The following ADGRD1 variants were observed in gnomAD, a reference collection of about 807,000 sequenced individuals.
ADGRD1 encodes the protein adhesion G protein-coupled receptor D1, also known as G-protein coupled receptor 133.
A neutral mutation model predicts 113.4 loss-of-function variants in ADGRD1; 77 were observed. That is an observed-to-expected ratio of 0.68 (90% CI 0.57 to 0.82). The LOEUF (loss-of-function observed/expected upper bound fraction) is 0.82. ADGRD1 is among the 40% of genes least tolerant of loss of function. ADGRD1 has a pLI of 0.00. For synonymous variants in ADGRD1, 474 were observed against 475.0 expected (o/e 1.00, Z 0.03); for missense variants, 1,036 against 1,139.1 (o/e 0.91, Z 1.30).
intron 13 of ADGRD1, among the ~76,000 whole-genome samples, chr12:131,068,293 G>A (rs1884882904): frequency 6.6e-6 from 1 of 152,196 alleles, no homozygotes; most frequent in East Asian, 1.9e-4. Flanking sequence ...TCTCATGGGT[G>A]GCGCTGGAAT....
At chr12:130,987,634 G>A (rs12826611) in intron 6 of ADGRD1, 48,358 of 467,564 alleles carry the variant, frequency 0.1, 2,889 homozygotes, top group Middle Eastern at 0.16. Flanking sequence ...TGGAGAGCAA[G>A]TATTCCAGAT....
intron 13 of ADGRD1, among the ~76,000 whole-genome samples, chr12:131,020,855 TGGGTTTTGGCCTCCTTG>T (rs1414538301): frequency 6.6e-5 from 10 of 152,220 alleles, no homozygotes; most frequent in Non-Finnish European, 1.3e-4. Context: ...GCCTTCGGGC[TGGGTTTTGGCCTCCTTG>T]GGGTGTCACC....
In ADGRD1 at chr12:131,096,826, C is replaced by G. The variant is rs375852705; in HGVS notation, c.1672-8005C>G. ...CCCTGAGTTCCCAGTCATGTTGAGTCCTGGGTTCTGCTCTGAGATCCACCT... is the reference window on the plus strand; with the variant it reads ...CCCTGAGTTCCCAGTCATGTTGAGTGCTGGGTTCTGCTCTGAGATCCACCT... On this transcript the variant is annotated intron_variant, in intron 15 of 24. Coordinates refer to ENST00000261654, the MANE Select transcript of ADGRD1 (RefSeq NM_198827.5). This position sits in a 1 kb window ranked among gnomAD's most constrained non-coding sequence, Gnocchi z 5.2. Among the ~76,000 whole-genome samples, 36 of 152,324 alleles carry G rather than the reference C, an allele frequency of 2.4e-4. No individual in the cohort carries two copies. The highest frequency in any genetic ancestry group is 8.4e-4 in the African/African-American group (35 of 41,570).
intron 8 of ADGRD1, chr12:130,994,164 C>T (rs550808676): frequency 7.6e-5 from 29 of 381,484 alleles, no homozygotes; most frequent in South Asian, 4.1e-4. Context: ...GGGAAGGACC[C>T]GCGGGGTGTT....
chr12:131,012,810 C>T (rs548275243), intron 12 of ADGRD1, among the ~76,000 whole-genome samples: 1 of 152,212 alleles, frequency 6.6e-6, no homozygotes, highest in African/African-American at 2.4e-5. Flanking sequence ...CCTGCAGGTT[C>T]CTCAGTCAGT....
intron 5 of ADGRD1, among the ~76,000 whole-genome samples, chr12:130,986,249 A>G (rs1873655936): frequency 6.6e-6 from 1 of 152,236 alleles, no homozygotes; most frequent in African/African-American, 2.4e-5. Flanking sequence ...AAGAACTGAC[A>G]TCTTCACAAC....
intron 20 of ADGRD1, among the ~76,000 whole-genome samples, chr12:131,130,984 G>A (rs761352262): frequency 1.3e-5 from 2 of 152,180 alleles, no homozygotes; most frequent in Non-Finnish European, 2.9e-5. Context: ...CTCTGTACAC[G>A]GCCTCAGAAT....
In ADGRD1 at chr12:130,971,719, G is replaced by A; in HGVS notation, c.310+139G>A. On this transcript the variant is annotated intron_variant, in intron 4 of 24. Coordinates refer to ENST00000261654, the MANE Select transcript of ADGRD1 (RefSeq NM_198827.5). This position sits in a 1 kb window ranked among gnomAD's most constrained non-coding sequence, Gnocchi z 4.2. ...TGAGAATGTCAACGATGGATCGGAG[G>A]GCAGGGGAGGGAGGAATACAGGCAA... 1 of 857,876 alleles carries A rather than the reference G, an allele frequency of 1.2e-6. No homozygotes were observed. The highest frequency in any genetic ancestry group is 1.7e-6 in the Non-Finnish European group (1 of 591,362). The allele number at this position is 857,876 out of a possible 1,614,324, so 53.1% of individuals were successfully genotyped here.
chr12:131,021,473 G>C (rs1879310308), intron 13 of ADGRD1, among the ~76,000 whole-genome samples: 1 of 152,202 alleles, frequency 6.6e-6, no homozygotes, highest in African/African-American at 2.4e-5. Flanking sequence ...TCTTTGACAA[G>C]AACGCCAGGG....
chr12:131,074,694 C>T (rs1028229808), intron 13 of ADGRD1, among the ~76,000 whole-genome samples: 5 of 152,178 alleles, frequency 3.3e-5, no homozygotes, highest in Admixed American at 6.5e-5. Flanking sequence ...AGCATTTGTT[C>T]CCAGTCAGTG....
Position 131,057,998 on chromosome 12 carries a change from G to T in ADGRD1, c.1474-18803G>T, listed in dbSNP as rs562427444. Among the ~76,000 whole-genome samples, 1 of 152,266 alleles carries T rather than the reference G, an allele frequency of 6.6e-6. No individual in the cohort carries two copies. Among genetic ancestry groups the T allele is most frequent in the South Asian group, 2.1e-4 (1 of 4,828 alleles). ...ATGAGCTTCTGTTATTTTAACCTTTGTAACTTTATTGGGAAATAAGTATTA... is the reference window on the plus strand; with the variant it reads ...ATGAGCTTCTGTTATTTTAACCTTTTTAACTTTATTGGGAAATAAGTATTA... On this transcript the variant is annotated intron_variant, in intron 13 of 24. Coordinates refer to ENST00000261654, the MANE Select transcript of ADGRD1 (RefSeq NM_198827.5). The surrounding 1 kb of genome is among the most constrained non-coding windows in gnomAD (Gnocchi z 4.2).
chr12:130,972,624 A>G (rs2136541545), intron 4 of ADGRD1, among the ~76,000 whole-genome samples: 1 of 152,166 alleles, frequency 6.6e-6, no homozygotes, highest in East Asian at 1.9e-4. Flanking sequence ...TTTACAAAGT[A>G]AAAAACAACC....
chr12:131,016,585 G>A (rs764678926), intron 13 of ADGRD1, among the ~76,000 whole-genome samples: 5 of 152,240 alleles, frequency 3.3e-5, no homozygotes, highest in African/African-American at 9.6e-5. Context: ...GCCCCGCGGC[G>A]TGTCAAGCCT....
At position 131,084,449 on chromosome 12, in the gene ADGRD1, G is replaced by A; in HGVS notation, c.1548-91G>A. On this transcript the variant is annotated intron_variant, in intron 14 of 24. Coordinates refer to ENST00000261654, the MANE Select transcript of ADGRD1 (RefSeq NM_198827.5). The surrounding 1 kb of genome is among the most constrained non-coding windows in gnomAD (Gnocchi z 4.5). ...GTGTGGGCGCCGCCATGAGTTCACG[G>A]GGCCATGTGTTATGGGGGGTGCTGC... 3 of 1,421,518 alleles carry A rather than the reference G, an allele frequency of 2.1e-6. No homozygotes were observed. The highest frequency in any genetic ancestry group is 1.2e-5 in the South Asian group (1 of 85,424). 88.1% of individuals were successfully genotyped at this position (1,421,518 alleles called of 1,614,324 possible). A position where few individuals can be genotyped will look rare whatever the true frequency, so the allele number is the denominator to read the frequency against.
intron 20 of ADGRD1, among the ~76,000 whole-genome samples, chr12:131,126,438 T>C (rs2136075742): frequency 6.6e-6 from 1 of 152,352 alleles, no homozygotes; most frequent in South Asian, 2.1e-4. Flanking sequence ...TGTGGTATTC[T>C]GTTATAGTAG....
chr12:130,963,269 G>A (rs1380707581), intron 2 of ADGRD1, among the ~76,000 whole-genome samples: 4 of 134,924 alleles, frequency 3.0e-5, no homozygotes, highest in Non-Finnish European at 4.6e-5. Context: ...GCAGTGAGCC[G>A]AGATCGCGCC....
intron 4 of ADGRD1, among the ~76,000 whole-genome samples, chr12:130,979,785 C>A (rs959737642): frequency 6.8e-6 from 1 of 146,972 alleles, no homozygotes; most frequent in Non-Finnish European, 1.5e-5. Context: ...TTCCAGCTGT[C>A]AGGGGCAGAA....
intron 21 of ADGRD1, among the ~76,000 whole-genome samples, chr12:131,134,075 T>C (rs550820376): frequency 6.6e-6 from 1 of 152,280 alleles, no homozygotes; most frequent in East Asian, 1.9e-4. Flanking sequence ...TGTTTATTGA[T>C]TGTGATTCCA....
intron 13 of ADGRD1, among the ~76,000 whole-genome samples, chr12:131,017,639 C>T (rs1430752811): frequency 6.6e-6 from 1 of 151,612 alleles, no homozygotes; most frequent in Non-Finnish European, 1.5e-5. Flanking sequence ...TGCACACACA[C>T]CCAGCACAGA....
Sources: gnomAD v4.1 joint callset for allele counts (sites outside exome capture counted in the v4.1 genomes callset) on GRCh38, gnomAD v4.1.1 for gene constraint, Gnocchi (gnomAD v3.1) non-coding constraint, MANE v1.5 for transcripts, NCBI Gene and HGNC (gene_info 2026-07-23, HGNC 2026-07-21) for gene names.